The following UBXN8 variants were observed in gnomAD, a reference collection of about 807,000 sequenced individuals.
The protein encoded by UBXN8 is UBX domain-containing protein 8.
A neutral mutation model predicts 32.1 loss-of-function variants in UBXN8; 27 were observed. That is an observed-to-expected ratio of 0.84 (90% CI 0.62 to 1.16). The LOEUF is 1.16. Ranked by LOEUF, UBXN8 falls within the 50% of genes most tolerant of loss-of-function variation. UBXN8 has a pLI of 0.00. For missense variants in UBXN8, 306 were observed against 311.4 expected (o/e 0.98, Z 0.13); for synonymous variants, 109 against 111.8 (o/e 0.98, Z 0.16).
At chr8:30,764,549 C>A (rs181980117) in intron 7 of UBXN8, among the ~76,000 whole-genome samples, 1 of 152,146 alleles carries the variant, frequency 6.6e-6, no homozygotes, top group East Asian at 1.9e-4. Flanking sequence ...AGTAGACTGG[C>A]AGGGAAAGAA....
At chr8:30,758,210 C>A (rs1287028168) in intron 5 of UBXN8, among the ~76,000 whole-genome samples, 1 of 152,164 alleles carries the variant, frequency 6.6e-6, no homozygotes, top group Non-Finnish European at 1.5e-5. Flanking sequence ...ATACTCAATT[C>A]TTTTTAAGGA....
intron 1 of UBXN8, among the ~76,000 whole-genome samples, chr8:30,750,145 CA>C (rs1196180400): frequency 6.6e-6 from 1 of 151,954 alleles, no homozygotes; most frequent in Non-Finnish European, 1.5e-5. Context: ...CCCTGAGTTC[CA>C]CATTGAGCAT....
intron 4 of UBXN8, 30 bp from the exon 5 acceptor site, chr8:30,756,735 C>T (rs759830108): frequency 6.2e-7 from 1 of 1,612,938 alleles, no homozygotes; most frequent in South Asian, 1.1e-5. Flanking sequence ...GAAAACATCT[C>T]TTTAGAAATT....
At chr8:30,750,533 C>G (rs1286624174) in intron 1 of UBXN8, among the ~76,000 whole-genome samples, 2 of 151,490 alleles carry the variant, frequency 1.3e-5, no homozygotes, top group Non-Finnish European at 2.9e-5. Context: ...AGAACTTTGG[C>G]AGGCTGAGGC....
At chr8:30,763,069 C>A in intron 6 of UBXN8, 2 of 538,072 alleles carry the variant, frequency 3.7e-6, no homozygotes, top group South Asian at 2.3e-5. Flanking sequence ...GTGTCTCAAA[C>A]TCCTGGCCTC....
intron 7 of UBXN8, among the ~76,000 whole-genome samples, chr8:30,765,879 G>C (rs1012737564): frequency 6.6e-6 from 1 of 151,758 alleles, no homozygotes. Context: ...ATGGTAGTGG[G>C]CGCCTGTATA....
chr8:30,766,221 T>C lies in UBXN8; in HGVS notation c.646-6T>C. 6.2e-7 allele frequency: 1 copy of C among 1,609,072 alleles called. No homozygotes were observed. The highest frequency in any genetic ancestry group is 8.5e-7 in the Non-Finnish European group (1 of 1,176,750). On this transcript the variant is annotated splice_region_variant and splice_polypyrimidine_tract_variant and intron_variant, in intron 7 of 7. Transcript: ENST00000265616. ...TAATGACTAAGCCAAGCTTTTCATCTTCTAGGTCTTATTTGACTGGATGAC... is the reference window on the plus strand; with the variant it reads ...TAATGACTAAGCCAAGCTTTTCATCCTCTAGGTCTTATTTGACTGGATGAC...
chr8:30,758,175 C>T (rs559079650), intron 5 of UBXN8, among the ~76,000 whole-genome samples: 8 of 152,256 alleles, frequency 5.3e-5, no homozygotes, highest in South Asian at 4.1e-4. Context: ...GGATTACAGG[C>T]GTGAGCCACT....
rs566895503 is a variant in UBXN8, at chr8:30,758,103, A to G, written c.528+1216A>G. Among the ~76,000 whole-genome samples, 12 of 152,086 alleles carry G rather than the reference A, an allele frequency of 7.9e-5. No homozygotes were observed. The East Asian group carries it at 1.2e-3, about 15-fold the overall frequency. On this transcript the variant is annotated intron_variant, in intron 5 of 7. Coordinates refer to ENST00000265616, the MANE Select transcript of UBXN8 (RefSeq NM_005671.4). ...AGTAGAGACGGGGTTTCACCATGTT[A>G]GCCAGGATGGTCTCAATCTCCTGAC...
intron 4 of UBXN8, chr8:30,756,400 G>A (rs150127893): frequency 6.4e-4 from 125 of 194,006 alleles, no homozygotes; most frequent in Admixed American, 6.4e-4. Context: ...CCACCTCGGC[G>A]TTCCAAAATG....
intron 5 of UBXN8, 82 bp downstream of exon 5, chr8:30,756,969 G>A: frequency 6.4e-7 from 1 of 1,559,716 alleles, no homozygotes; most frequent in Non-Finnish European, 8.7e-7. Context: ...TATACTGGGT[G>A]AAGATCAGGA....
intron 1 of UBXN8, among the ~76,000 whole-genome samples, chr8:30,738,616 G>A (rs538484144): frequency 1.9e-4 from 28 of 143,910 alleles, no homozygotes; most frequent in African/African-American, 4.5e-4. Flanking sequence ...AGCCGAGATC[G>A]TGCCACTGCA....
intron 1 of UBXN8, chr8:30,744,604 TTTTTG>T (rs1307448585): frequency 1.7e-5 from 8 of 470,202 alleles, no homozygotes; most frequent in Non-Finnish European, 1.1e-5. Flanking sequence ...GCTGAGAAGT[TTTTTG>T]TTTTGTTTTT....
At chr8:30,737,491 T>C (rs961980064) in intron 1 of UBXN8, among the ~76,000 whole-genome samples, 1 of 152,196 alleles carries the variant, frequency 6.6e-6, no homozygotes, top group Non-Finnish European at 1.5e-5. Context: ...TGCAAGAATC[T>C]TGTCTTATTT....
At chr8:30,743,577 C>G (rs1805265056), upstream of UBXN8, among the ~76,000 whole-genome samples, 1 of 152,162 alleles carries the variant, frequency 6.6e-6, no homozygotes. Context: ...TCAAGGTTAA[C>G]AATAACGCGT....
At chr8:30,765,939 G>A (rs916205122) in intron 7 of UBXN8, among the ~76,000 whole-genome samples, 3 of 151,352 alleles carry the variant, frequency 2.0e-5, no homozygotes, top group African/African-American at 7.3e-5. Context: ...AAACCCAGGT[G>A]GTGGAGGTTT....
At chr8:30,757,169 A>C (rs1805686325) in intron 5 of UBXN8, among the ~76,000 whole-genome samples, 1 of 152,078 alleles carries the variant, frequency 6.6e-6, no homozygotes, top group Non-Finnish European at 1.5e-5. Context: ...AAAAAAAAAA[A>C]AAAGAATAAT....
At chr8:30,737,265 C>G (rs1006915637) in intron 1 of UBXN8, among the ~76,000 whole-genome samples, 1 of 151,882 alleles carries the variant, frequency 6.6e-6, no homozygotes, top group Non-Finnish European at 1.5e-5. Flanking sequence ...CAGTTCCAGT[C>G]CAAAGGCAGT....
intron 7 of UBXN8, among the ~76,000 whole-genome samples, chr8:30,763,755 C>T (rs1303813429): frequency 1.3e-5 from 2 of 151,998 alleles, no homozygotes; most frequent in Admixed American, 1.3e-4. Flanking sequence ...CTTTGGGAGG[C>T]CAAGGCGGGC....
Sources: gnomAD v4.1 joint callset for allele counts (sites outside exome capture counted in the v4.1 genomes callset) on GRCh38, gnomAD v4.1.1 for gene constraint, MANE v1.5 for transcripts, NCBI Gene and HGNC (gene_info 2026-07-23, HGNC 2026-07-21) for gene names.